Variants in THBS1 observed in about 807,000 individuals in gnomAD.
THBS1 encodes the protein thrombospondin-1.
In THBS1, 29 loss-of-function variants were observed where a neutral mutation model predicts 126.1. That is an observed-to-expected ratio of 0.23 (90% CI 0.17 to 0.31). The LOEUF (loss-of-function observed/expected upper bound fraction) is 0.31, where lower values mean the gene tolerates loss of function less well. Among genes scored for constraint, THBS1 ranks in the 10% least tolerant of loss-of-function variants. The pLI, the probability that THBS1 is intolerant of heterozygous loss-of-function variation, is 1.00. For synonymous variants in THBS1, 496 were observed against 577.8 expected, an observed-to-expected ratio of 0.86 and a Z score of 2.03; for missense variants, 1,198 against 1,545.2, an observed-to-expected ratio of 0.78 and a Z score of 3.77.
Position 39,588,031 on chromosome 15 carries a change from C to A in THBS1, c.1295-11C>A, listed in dbSNP as rs746163879. 6.2e-7 allele frequency: 1 copy of A among 1,613,354 alleles called. No individual in the cohort carries two copies. The highest frequency in any genetic ancestry group is 1.3e-5 in the African/African-American group (1 of 75,010). The stretch of plus-strand genomic sequence containing the variant: ...CCAAAACCATTTGTGACCATCAACT[C>A]TGTACTTTAGTTAAACAGGATGGTG... On this transcript the variant is annotated splice_polypyrimidine_tract_variant and intron_variant, in intron 8 of 21. Transcript: ENST00000260356.
At chr15:39,591,126 T>C (rs1170296249) in intron 14 of THBS1, 65 bp from the exon 15 acceptor site, 10 of 1,555,194 alleles carry the variant, frequency 6.4e-6, no homozygotes, top group Non-Finnish European at 8.8e-6. Flanking sequence ...ATTATGCACA[T>C]GGTTTGAGGC....
At position 39,595,395 on chromosome 15, in the gene THBS1, G is replaced by A. The variant is rs923586661; in HGVS notation, c.*26G>A. 3 of 1,501,550 alleles carry A rather than the reference G, an allele frequency of 2.0e-6. No individual in the cohort carries two copies. Among genetic ancestry groups the A allele is most frequent in the Non-Finnish European group, 2.7e-6 (3 of 1,123,700 alleles). The allele number at this position is 1,501,550 out of a possible 1,614,324, so 93.0% of individuals were successfully genotyped here. A position where few individuals can be genotyped will look rare whatever the true frequency, so the allele number is the denominator to read the frequency against. The stretch of plus-strand genomic sequence containing the variant: ...TCATCAAATTGTTGATTGAAAGACT[G>A]ATCATAAACCAATGCTGGTATTGCA... On this transcript the variant is annotated 3_prime_UTR_variant, in exon 22 of 22. Transcript: ENST00000260356.
intron 4 of THBS1, 65 bp downstream of exon 4, chr15:39,583,757 A>G: frequency 6.5e-7 from 1 of 1,533,514 alleles, no homozygotes; most frequent in African/African-American, 1.4e-5. Flanking sequence ...AAACAAACTG[A>G]GGAATTTAGC....
In THBS1 at chr15:39,591,472, G is replaced by T. The variant is rs770649313; in HGVS notation, c.2414-33G>T. On this transcript the variant is annotated intron_variant, in intron 15 of 21. Transcript: ENST00000260356. ...TGGTGGAAACATCCAAGGCTGGAGA[G>T]CCCAGCTCTTATTTGTCCCTTGTTC... The T allele has an allele frequency of 5.0e-6, 8 of 1,613,074 alleles. No homozygotes were observed. The Admixed American group carries it at 5.0e-5, about 10-fold the overall frequency.
rs574518326 is a variant in THBS1 at position 39,595,843 on chromosome 15, A to G, written c.*474A>G. ...GGCCAAAGCACTAAGGGGAGGGCGC[A>G]TACCCGAGACGATTGTATGAAGAAA... On this transcript the variant is annotated 3_prime_UTR_variant, in exon 22 of 22. Transcript: ENST00000260356. 2.4e-5 allele frequency: 11 copies of G among 458,220 alleles called. No homozygotes were observed. Among genetic ancestry groups the G allele is most frequent in the Admixed American group, 1.4e-4 (6 of 42,630 alleles). 28.4% of individuals were successfully genotyped at this position (458,220 alleles called of 1,614,324 possible). A position where few individuals can be genotyped will look rare whatever the true frequency, so the allele number is the denominator to read the frequency against.
Position 39,594,256 on chromosome 15 carries a change from G to A in THBS1, c.3366-45G>A, listed in dbSNP as rs757811851. 6.2e-6 allele frequency: 10 copies of A among 1,613,782 alleles called. No individual in the cohort carries two copies. Among genetic ancestry groups the A allele is most frequent in the Non-Finnish European group, 8.5e-6 (10 of 1,179,906 alleles). On this transcript the variant is annotated intron_variant, in intron 20 of 21. Coordinates refer to ENST00000260356, the MANE Select transcript of THBS1 (RefSeq NM_003246.4). This position sits in a 1 kb window ranked among gnomAD's most constrained non-coding sequence, Gnocchi z 4.4. ...ACACTGAGGGACAAAAAGACAAAAA[G>A]TATTAAATAGCATTGTCACTAAACA...
In THBS1 at chr15:39,588,974, A is replaced by G; in HGVS notation, c.1661A>G (p.Asn554Ser). 7 of 1,614,148 alleles carry G rather than the reference A, an allele frequency of 4.3e-6. No individual in the cohort carries two copies. Among genetic ancestry groups the G allele is most frequent in the South Asian group, 1.1e-5 (1 of 91,082 alleles). The stretch of plus-strand genomic sequence containing the variant: ...CTTGTCTCAGATGGATGCCTGTCCA[A>G]TCCCTGCTTTGCCGGCGTGAAGTGT... ...QDCPIDGCLS[N>S]PCFAGVKCTS... The change falls in exon 11 of 22, where the codon AAT becomes AGT. Residue 554 changes from asparagine to serine, a missense_variant. By Grantham distance (46) the Asn-to-Ser change is conservative (BLOSUM62 1). Coordinates refer to ENST00000260356, the MANE Select transcript of THBS1 (RefSeq NM_003246.4).
At chr15:39,583,543 TACAG>T (rs1376171296) in intron 3 of THBS1, 70 bp from the exon 4 acceptor site, 31 of 1,260,866 alleles carry the variant, frequency 2.5e-5, no homozygotes, top group African/African-American at 2.2e-4. Context: ...TTTCCTAGCA[TACAG>T]ACAGTCTCCC....
At position 39,581,667 on chromosome 15, in the gene THBS1, TC is replaced by T. The variant is rs1890108165; in HGVS notation, c.-29-161del. 3 of 521,370 alleles carry T rather than the reference TC, an allele frequency of 5.8e-6. No homozygotes were observed. In the African/African-American group the frequency reaches 5.8e-5, roughly 10 times the overall value. 32.3% of individuals were successfully genotyped at this position (521,370 alleles called of 1,614,324 possible). A position where few individuals can be genotyped will look rare whatever the true frequency, so the allele number is the denominator to read the frequency against. On this transcript the variant is annotated intron_variant, in intron 1 of 21. Coordinates refer to ENST00000260356, the MANE Select transcript of THBS1 (RefSeq NM_003246.4). The stretch of plus-strand genomic sequence containing the variant: ...CTCTCTCTCTCTCTCTCTCTCTCTC[TC>T]ATGCTCTCTGGAAAGTAATCCTGTT...
chr15:39,593,355 G>A lies in THBS1; in HGVS notation c.2996-42G>A. 6.2e-7 allele frequency: 1 copy of A among 1,613,172 alleles called. No homozygotes were observed. The highest frequency in any genetic ancestry group is 8.5e-7 in the Non-Finnish European group (1 of 1,179,450). On this transcript the variant is annotated intron_variant, in intron 18 of 21. Transcript: ENST00000260356. The surrounding 1 kb of genome is among the most constrained non-coding windows in gnomAD (Gnocchi z 5.9). Reference sequence around the variant, plus strand: ...CTAGGAACATGATGGAGAACCTTCTGAAGGCTGCAGGTTTTAACCTGGCTC... The same window carrying A: ...CTAGGAACATGATGGAGAACCTTCTAAAGGCTGCAGGTTTTAACCTGGCTC...
rs1031455295 is a variant in THBS1, at chr15:39,595,470, G to C, written c.*101G>C. The C allele has an allele frequency of 4.2e-6, 6 of 1,424,424 alleles. No individual in the cohort carries two copies. In the African/African-American group the frequency reaches 8.6e-5, roughly 20 times the overall value. 88.2% of individuals were successfully genotyped at this position (1,424,424 alleles called of 1,614,324 possible). A position where few individuals can be genotyped will look rare whatever the true frequency, so the allele number is the denominator to read the frequency against. On this transcript the variant is annotated 3_prime_UTR_variant, in exon 22 of 22. Coordinates refer to ENST00000260356, the MANE Select transcript of THBS1 (RefSeq NM_003246.4). ...AAACCCCCAGGATCACTTCTCCTTG[G>C]CTTCCTTCTTTTCTGTGCTTGCATC...
Position 39,588,985 on chromosome 15 carries a change from G to C in THBS1, c.1672G>C (p.Ala558Pro). ...IDGCLSNPCF[A>P]GVKCTSYPDG... ...TGGATGCCTGTCCAATCCCTGCTTTGCCGGCGTGAAGTGTACTAGCTACCC... is the reference window on the plus strand; with the variant it reads ...TGGATGCCTGTCCAATCCCTGCTTTCCCGGCGTGAAGTGTACTAGCTACCC... Residue 558 changes from alanine (A) to proline (P), a missense_variant, in exon 11 of 22, where the codon GCC becomes CCC. Ala to Pro is a conservative substitution (Grantham distance 27, BLOSUM62 -1). Coordinates refer to ENST00000260356, the MANE Select transcript of THBS1 (RefSeq NM_003246.4). 1 of 1,614,094 alleles carries C rather than the reference G, an allele frequency of 6.2e-7. No individual in the cohort carries two copies. The highest frequency in any genetic ancestry group is 8.5e-7 in the Non-Finnish European group (1 of 1,180,010).
Position 39,593,509 on chromosome 15 carries a change from T to C in THBS1, c.3108T>C (p.Tyr1036=), listed in dbSNP as rs757700629. The change falls in exon 19 of 22, where the codon TAT becomes TAC. Residue 1036 remains tyrosine, a synonymous_variant. Transcript: ENST00000260356. The surrounding 1 kb of genome is among the most constrained non-coding windows in gnomAD (Gnocchi z 5.9). ...VFGYQSSSRF[Y]VVMWKQVTQS... is the part of the protein sequence containing the mutation. Reference sequence around the variant, plus strand: ...GCTACCAGTCCAGCAGCCGCTTTTATGTTGTGATGTGGAAGCAAGTCACCC... The same window carrying C: ...GCTACCAGTCCAGCAGCCGCTTTTACGTTGTGATGTGGAAGCAAGTCACCC... The C allele has an allele frequency of 5.0e-6, 8 of 1,614,084 alleles. No individual in the cohort carries two copies. The highest frequency in any genetic ancestry group is 1.1e-5 in the South Asian group (1 of 91,086).
intron 7 of THBS1, among the ~76,000 whole-genome samples, chr15:39,585,962 A>G (rs79628817): frequency 0.023 from 3,573 of 152,278 alleles, 131 homozygotes; most frequent in African/African-American, 0.082. Context: ...CATTGGCCTG[A>G]TCGGGCCTGG....
At position 39,593,778 on chromosome 15, in the gene THBS1, G is replaced by C. The variant is rs902693346; in HGVS notation, c.3267+110G>C. 2 of 1,437,722 alleles carry C rather than the reference G, an allele frequency of 1.4e-6. No individual in the cohort carries two copies. Among genetic ancestry groups the C allele is most frequent in the African/African-American group, 2.9e-5 (2 of 70,080 alleles). The allele number at this position is 1,437,722 out of a possible 1,614,324, so 89.1% of individuals were successfully genotyped here. A position where few individuals can be genotyped will look rare whatever the true frequency, so the allele number is the denominator to read the frequency against. The stretch of plus-strand genomic sequence containing the variant: ...ACCAGGGAGTCTTAGAAAGTTCCCA[G>C]CATCACCAGCTGCAGCATTGAACTC... On this transcript the variant is annotated intron_variant, in intron 19 of 21. Coordinates refer to ENST00000260356, the MANE Select transcript of THBS1 (RefSeq NM_003246.4). The surrounding 1 kb of genome is among the most constrained non-coding windows in gnomAD (Gnocchi z 5.9).
chr15:39,585,702 T>A, intron 7 of THBS1, 139 bp downstream of exon 7: 1 of 805,318 alleles, frequency 1.2e-6, no homozygotes, highest in Non-Finnish European at 2.0e-6. Flanking sequence ...AGCAGCTGGT[T>A]AACTGACAGC....
Position 39,588,990 on chromosome 15 carries a change from C to A in THBS1, c.1677C>A (p.Gly559=), listed in dbSNP as rs1023184883. 1.9e-6 allele frequency: 3 copies of A among 1,614,080 alleles called. No homozygotes were observed. Among genetic ancestry groups the A allele is most frequent in the South Asian group, 1.1e-5 (1 of 91,078 alleles). Reference sequence around the variant, plus strand: ...GCCTGTCCAATCCCTGCTTTGCCGGCGTGAAGTGTACTAGCTACCCTGATG... The same window carrying A: ...GCCTGTCCAATCCCTGCTTTGCCGGAGTGAAGTGTACTAGCTACCCTGATG... ...DGCLSNPCFA[G]VKCTSYPDGS... is the part of the protein sequence containing the mutation. Residue 559 remains glycine (G), a synonymous_variant, in exon 11 of 22, where the codon GGC becomes GGA. Transcript: ENST00000260356.
In THBS1 at chr15:39,588,998, G is replaced by A; in HGVS notation, c.1685G>A (p.Cys562Tyr). The A allele has an allele frequency of 1.2e-6, 2 of 1,614,120 alleles. No homozygotes were observed. Among genetic ancestry groups the A allele is most frequent in the Non-Finnish European group, 1.7e-6 (2 of 1,180,022 alleles). The change falls in exon 11 of 22, where the codon TGT becomes TAT. Residue 562 changes from cysteine (C) to tyrosine (Y), a missense_variant. Cys to Tyr is a radical substitution (Grantham distance 194). Around this residue, in one of 4 missense-constraint regions of THBS1, gnomAD observed 663 missense variants for 860.1 expected, o/e 0.77. Transcript: ENST00000260356. Reference sequence around the variant, plus strand: ...AATCCCTGCTTTGCCGGCGTGAAGTGTACTAGCTACCCTGATGGCAGCTGG... The same window carrying A: ...AATCCCTGCTTTGCCGGCGTGAAGTATACTAGCTACCCTGATGGCAGCTGG... ...LSNPCFAGVK[C>Y]TSYPDGSWKC...
Position 39,596,757 on chromosome 15 carries a change from G to A in THBS1, c.*1388G>A, listed in dbSNP as rs1025141751. ...TGTTTTAAATTGCAAAGAAAGCCAT[G>A]AGGTCTTCAATACTGTTTTACCCCA... On this transcript the variant is annotated 3_prime_UTR_variant, in exon 22 of 22. Coordinates refer to ENST00000260356, the MANE Select transcript of THBS1 (RefSeq NM_003246.4). The A allele has an allele frequency of 1.3e-5, 2 of 152,208 alleles. No individual in the cohort carries two copies. The highest frequency in any genetic ancestry group is 4.8e-5 in the African/African-American group (2 of 41,454). The allele number at this position is 152,208 out of a possible 1,614,324, so 9.4% of individuals were successfully genotyped here. A position where few individuals can be genotyped will look rare whatever the true frequency, so the allele number is the denominator to read the frequency against.
Sources: allele counts gnomAD v4.1 joint callset (sites outside exome capture counted in the v4.1 genomes callset), GRCh38; gene constraint gnomAD v4.1.1; regional missense constraint gnomAD v4.1.1; non-coding constraint Gnocchi (gnomAD v3.1); transcripts MANE v1.5; gene names NCBI Gene and HGNC (gene_info 2026-07-23, HGNC 2026-07-21).